Variants in TMTC2 observed in about 807,000 individuals in gnomAD.
TMTC2 encodes the protein transmembrane O-mannosyltransferase targeting cadherins 2, also known as protein O-mannosyl-transferase TMTC2.
TMTC2 carries 43 observed loss-of-function variants against 82.4 expected under a neutral mutation model. The observed-to-expected ratio is 0.52, with a 90% CI of 0.41 to 0.67. The LOEUF (loss-of-function observed/expected upper bound fraction) is 0.67. Among genes scored for constraint, TMTC2 ranks in the 30% least tolerant of loss-of-function variants. The pLI is 0.00. For missense variants in TMTC2, 919 were observed against 1,012.4 expected (o/e 0.91, Z 1.25); for synonymous variants, 408 against 381.9 (o/e 1.07, Z -0.80).
chr12:83,030,708 A>G, intron 8 of TMTC2, 90 bp from the exon 9 acceptor site: 1 of 1,005,900 alleles, frequency 9.9e-7, no homozygotes, highest in Non-Finnish European at 1.5e-6. Flanking sequence ...ATGATTACCA[A>G]GTAGACATTT....
intron 9 of TMTC2, among the ~76,000 whole-genome samples, chr12:83,037,719 A>G (rs564750057): frequency 2.0e-5 from 3 of 152,236 alleles, no homozygotes; most frequent in Admixed American, 1.3e-4. Context: ...ATTTTACATA[A>G]GATACTTTCC....
At chr12:82,782,016 C>T (rs1186155432) in intron 1 of TMTC2, among the ~76,000 whole-genome samples, 4 of 151,990 alleles carry the variant, frequency 2.6e-5, no homozygotes, top group Non-Finnish European at 5.9e-5. Flanking sequence ...GAAGACCTCC[C>T]CCATCCGCAG....
chr12:82,913,104 G>A (rs1399587894), intron 3 of TMTC2, among the ~76,000 whole-genome samples: 1 of 152,114 alleles, frequency 6.6e-6, no homozygotes, highest in Non-Finnish European at 1.5e-5. Flanking sequence ...TCTAATCACA[G>A]TGATAAATTT....
intron 1 of TMTC2, among the ~76,000 whole-genome samples, chr12:82,715,471 A>C (rs1873854270): frequency 6.6e-6 from 1 of 151,954 alleles, no homozygotes; most frequent in South Asian, 2.1e-4. Context: ...GGGCTTGAAA[A>C]ATATTCAGTG....
chr12:82,990,331 G>T (rs1045245997), intron 8 of TMTC2, among the ~76,000 whole-genome samples: 4 of 152,060 alleles, frequency 2.6e-5, no homozygotes, highest in Non-Finnish European at 5.9e-5. Flanking sequence ...ACAGTCAGTG[G>T]AATGATTCAC....
chr12:83,119,458 G>T (rs994381675), intron 11 of TMTC2, among the ~76,000 whole-genome samples: 1 of 152,082 alleles, frequency 6.6e-6, no homozygotes, highest in Non-Finnish European at 1.5e-5. Flanking sequence ...GGTTCTGAAG[G>T]TTCCTTTTGG....
At chr12:82,722,619 G>A (rs911124368) in intron 1 of TMTC2, among the ~76,000 whole-genome samples, 1 of 149,168 alleles carries the variant, frequency 6.7e-6, no homozygotes. Flanking sequence ...GTGCACGCCT[G>A]TGATCCCACC....
At chr12:82,963,804 T>C (rs1343813498) in intron 4 of TMTC2, among the ~76,000 whole-genome samples, 5,189 of 39,460 alleles carry the variant, frequency 0.13, 1,219 homozygotes, top group Non-Finnish European at 0.15. Flanking sequence ...TATATATATA[T>C]ATATATATAT....
At chr12:82,939,210 A>G (rs572806450) in intron 4 of TMTC2, among the ~76,000 whole-genome samples, 1 of 152,104 alleles carries the variant, frequency 6.6e-6, no homozygotes, top group South Asian at 2.1e-4. Flanking sequence ...TTTCTTGTCT[A>G]ATTTTCTATT....
chr12:82,695,355 T>C (rs1343742601), intron 1 of TMTC2, among the ~76,000 whole-genome samples: 1 of 152,212 alleles, frequency 6.6e-6, no homozygotes, highest in Non-Finnish European at 1.5e-5. Context: ...ATAAAGACAC[T>C]GAAAGGATGC....
At chr12:83,019,173 T>C (rs1185755399) in intron 8 of TMTC2, among the ~76,000 whole-genome samples, 1 of 151,806 alleles carries the variant, frequency 6.6e-6, no homozygotes, top group Admixed American at 6.6e-5. Flanking sequence ...AAAAAAAACA[T>C]ACACATTAAT....
At chr12:82,762,341 C>T (rs1363774447) in intron 1 of TMTC2, among the ~76,000 whole-genome samples, 2 of 152,138 alleles carry the variant, frequency 1.3e-5, no homozygotes, top group African/African-American at 2.4e-5. Flanking sequence ...CCTTAACTCA[C>T]TCATCCCCTA....
chr12:83,039,390 C>T (rs749364486), intron 9 of TMTC2, among the ~76,000 whole-genome samples: 13 of 151,750 alleles, frequency 8.6e-5, no homozygotes, highest in Admixed American at 7.2e-4. Context: ...TGCATGGAGT[C>T]TATTACATAT....
intron 1 of TMTC2, among the ~76,000 whole-genome samples, chr12:82,770,965 T>C (rs12312912): frequency 0.018 from 2,811 of 152,134 alleles, 68 homozygotes; most frequent in African/African-American, 0.064. Context: ...TTCCAGCACT[T>C]TGGGAGGCTG....
chr12:82,773,613 A>T (rs1192380575), intron 1 of TMTC2, among the ~76,000 whole-genome samples: 1 of 152,034 alleles, frequency 6.6e-6, no homozygotes, highest in Non-Finnish European at 1.5e-5. Flanking sequence ...GGCGTGTGCC[A>T]CCAGGCCCAG....
intron 11 of TMTC2, among the ~76,000 whole-genome samples, chr12:83,100,905 C>T (rs1188138884): frequency 6.6e-6 from 1 of 152,152 alleles, no homozygotes; most frequent in African/African-American, 2.4e-5. Flanking sequence ...GCACTAACAA[C>T]ACATCCTAAA....
rs561588345 is a variant in TMTC2, at chr12:82,716,034, A to G, written c.83+28365A>G. ...ATGTTACGTGAAATTGAAGAGGGATAAGAGGTGTTTTGATTCTTTTGCTTG... is the reference window on the plus strand; with the variant it reads ...ATGTTACGTGAAATTGAAGAGGGATGAGAGGTGTTTTGATTCTTTTGCTTG... On this transcript the variant is annotated intron_variant, in intron 1 of 11. Coordinates refer to ENST00000321196, the MANE Select transcript of TMTC2 (RefSeq NM_152588.3). 3.3e-5 allele frequency among the ~76,000 whole-genome samples: 5 copies of G among 152,308 alleles called. 1 individual carries two copies. The highest frequency in any genetic ancestry group is 1.2e-4 in the African/African-American group (5 of 41,564).
intron 2 of TMTC2, among the ~76,000 whole-genome samples, chr12:82,892,031 A>G (rs561715319): frequency 2.5e-4 from 38 of 152,228 alleles, no homozygotes; most frequent in Middle Eastern, 3.4e-3. Context: ...GTACCACTGC[A>G]CTCCAGCCTG....
At chr12:82,827,888 G>A (rs1869510747) in intron 1 of TMTC2, among the ~76,000 whole-genome samples, 2 of 148,838 alleles carry the variant, frequency 1.3e-5, no homozygotes, top group African/African-American at 2.5e-5. Flanking sequence ...TTCTTTTTTC[G>A]TTTTCTTTTT....
Sources: allele counts gnomAD v4.1 joint callset (sites outside exome capture counted in the v4.1 genomes callset), GRCh38; gene constraint gnomAD v4.1.1; transcripts MANE v1.5; gene names NCBI Gene and HGNC (gene_info 2026-07-23, HGNC 2026-07-21).